The following KCNS3 variants were observed in gnomAD, a reference collection of about 807,000 sequenced individuals.
KCNS3 encodes the protein delayed-rectifier potassium channel regulatory subunit KCNS3.
Under a neutral mutation model 31.0 loss-of-function variants are expected in KCNS3, and 13 were observed. The ratio of observed to expected loss-of-function variants is 0.42; its 90% CI spans 0.27 to 0.67. The LOEUF (loss-of-function observed/expected upper bound fraction) is 0.67. Ranked by LOEUF, KCNS3 falls within the 30% of genes least tolerant of loss-of-function variation. The pLI is 0.25. For synonymous variants in KCNS3, 238 were observed against 241.5 expected (o/e 0.99, Z 0.13); for missense variants, 545 against 622.4 (o/e 0.88, Z 1.32).
intron 1 of KCNS3, among the ~76,000 whole-genome samples, chr2:17,908,411 T>A (rs1292580621): frequency 1.3e-5 from 2 of 152,252 alleles, no homozygotes; most frequent in Admixed American, 1.3e-4. Flanking sequence ...TCGAACTTCC[T>A]CCTTTAGCTC....
At chr2:17,898,598 C>G (rs1183804131) in intron 1 of KCNS3, among the ~76,000 whole-genome samples, 2 of 152,016 alleles carry the variant, frequency 1.3e-5, no homozygotes, top group African/African-American at 4.8e-5. Flanking sequence ...TCCAAAGAAC[C>G]CTAATAGATG....
intron 1 of KCNS3, among the ~76,000 whole-genome samples, chr2:17,891,154 C>A (rs1014920083): frequency 2.0e-5 from 3 of 152,116 alleles, no homozygotes; most frequent in Admixed American, 6.5e-5. Context: ...TGGGGCAAGG[C>A]CTTTTATAAT....
At chr2:17,899,409 CT>C (rs1371158237) in intron 1 of KCNS3, among the ~76,000 whole-genome samples, 5 of 142,898 alleles carry the variant, frequency 3.5e-5, no homozygotes, top group African/African-American at 1.3e-4. Context: ...TTACATCTAT[CT>C]TTTGCTGTCA....
At chr2:17,916,419 A>T (rs1662587219) in intron 1 of KCNS3, among the ~76,000 whole-genome samples, 1 of 152,026 alleles carries the variant, frequency 6.6e-6, no homozygotes, top group Non-Finnish European at 1.5e-5. Flanking sequence ...GGAGTTTAGC[A>T]CCTGAATTGA....
intron 1 of KCNS3, among the ~76,000 whole-genome samples, chr2:17,902,999 A>G (rs921138243): frequency 2.0e-4 from 30 of 152,244 alleles, no homozygotes; most frequent in African/African-American, 7.2e-4. Context: ...AATTAAGGAA[A>G]AACATGTACC....
chr2:17,927,409 T>C lies in KCNS3; in HGVS notation c.-59-3541T>C, dbSNP rs929982288. ...GCTTCCACATTTTGGGGTATCTTTA[T>C]AGCAGTACCCCACTCTCTGTGGTGC... On this transcript the variant is annotated intron_variant, in intron 2 of 2. Transcript: ENST00000304101. 2.0e-5 allele frequency among the ~76,000 whole-genome samples: 3 copies of C among 152,204 alleles called. No homozygotes were observed. In the East Asian group the frequency reaches 5.8e-4, roughly 29 times the overall value.
chr2:17,887,789 C>T (rs1661713786), intron 1 of KCNS3, among the ~76,000 whole-genome samples: 1 of 152,164 alleles, frequency 6.6e-6, no homozygotes, highest in African/African-American at 2.4e-5. Flanking sequence ...ACATTCCCAC[C>T]AGCAGTGTAG....
intron 1 of KCNS3, among the ~76,000 whole-genome samples, chr2:17,906,750 T>C (rs61933339): frequency 0.027 from 4,079 of 152,308 alleles, 141 homozygotes; most frequent in African/African-American, 0.079. Flanking sequence ...TTGTTCAGTT[T>C]CCATGTAGTT....
intron 2 of KCNS3, among the ~76,000 whole-genome samples, chr2:17,919,915 T>G (rs1281600797): frequency 6.6e-6 from 1 of 152,172 alleles, no homozygotes; most frequent in African/African-American, 2.4e-5. Flanking sequence ...AGGAGGTTGG[T>G]AAGGAGGAGA....
intron 2 of KCNS3, 113 bp from the exon 3 acceptor site, chr2:17,930,837 C>G (rs1662942895): frequency 9.9e-6 from 6 of 605,592 alleles, no homozygotes; most frequent in Non-Finnish European, 1.7e-5. Flanking sequence ...ATTTTTATTG[C>G]ATTTCCTGCT....
chr2:17,926,394 T>A (rs1487860885), intron 2 of KCNS3, among the ~76,000 whole-genome samples: 1 of 152,324 alleles, frequency 6.6e-6, no homozygotes, highest in African/African-American at 2.4e-5. Context: ...AGTGCCCCAA[T>A]GGGGACTCTG....
At chr2:17,900,811 G>T (rs1662156477) in intron 1 of KCNS3, among the ~76,000 whole-genome samples, 1 of 152,058 alleles carries the variant, frequency 6.6e-6, no homozygotes, top group Admixed American at 6.5e-5. Flanking sequence ...ATTCTTTATT[G>T]TTCTAGAGTT....
At position 17,931,175 on chromosome 2, in the gene KCNS3, T is replaced by C. The variant is rs773665298; in HGVS notation, c.167T>C (p.Leu56Pro). The change falls in exon 3 of 3, where the codon CTG (leucine) becomes CCG (proline). Residue 56 changes from leucine to proline, a missense_variant. Coordinates refer to ENST00000304101, the MANE Select transcript of KCNS3 (RefSeq NM_002252.5). This position sits in a 1 kb window ranked among gnomAD's most constrained non-coding sequence, Gnocchi z 5.4. Reference protein sequence around the residue: ...TCHSEEAILELCDDYSVADKE... With the variant: ...TCHSEEAILEPCDDYSVADKE... ...CATTCTGAAGAGGCCATTCTGGAGCTGTGTGATGATTACAGTGTGGCCGAT... is the reference window on the plus strand; with the variant it reads ...CATTCTGAAGAGGCCATTCTGGAGCCGTGTGATGATTACAGTGTGGCCGAT... 2 of 1,613,980 alleles carry C rather than the reference T, an allele frequency of 1.2e-6. No homozygotes were observed. The highest frequency in any genetic ancestry group is 1.3e-5 in the African/African-American group (1 of 74,924).
intron 1 of KCNS3, among the ~76,000 whole-genome samples, chr2:17,907,257 T>C (rs1370538956): frequency 2.0e-5 from 3 of 152,228 alleles, no homozygotes; most frequent in Non-Finnish European, 4.4e-5. Flanking sequence ...TTAAAGTCTG[T>C]TTTATCAGAG....
intron 1 of KCNS3, among the ~76,000 whole-genome samples, chr2:17,917,340 G>A (rs1028958029): frequency 3.9e-5 from 6 of 152,190 alleles, no homozygotes; most frequent in Non-Finnish European, 8.8e-5. Flanking sequence ...AATTAGCTGG[G>A]AGAATAACAC....
chr2:17,909,890 C>G (rs1662430678), intron 1 of KCNS3, among the ~76,000 whole-genome samples: 1 of 152,086 alleles, frequency 6.6e-6, no homozygotes, highest in African/African-American at 2.4e-5. Context: ...ATGGTGGGCA[C>G]TTTGACTCTG....
upstream of KCNS3, among the ~76,000 whole-genome samples, chr2:17,878,326 G>A (rs1441840052): frequency 6.6e-6 from 1 of 152,128 alleles, no homozygotes; most frequent in Non-Finnish European, 1.5e-5. Context: ...CGGCCCAGGA[G>A]GGCGCGCAGG....
chr2:17,928,204 T>C (rs1039749639), intron 2 of KCNS3, among the ~76,000 whole-genome samples: 1 of 152,206 alleles, frequency 6.6e-6, no homozygotes, highest in Non-Finnish European at 1.5e-5. Flanking sequence ...AGGTCAATAG[T>C]GGTATTGTTC....
At chr2:17,905,311 G>A (rs1158046544) in intron 1 of KCNS3, among the ~76,000 whole-genome samples, 1 of 152,176 alleles carries the variant, frequency 6.6e-6, no homozygotes, top group African/African-American at 2.4e-5. Context: ...CATTGATTTT[G>A]TATCCTGAGA....
Sources: allele counts gnomAD v4.1 joint callset (sites outside exome capture counted in the v4.1 genomes callset), GRCh38; gene constraint gnomAD v4.1.1; non-coding constraint Gnocchi (gnomAD v3.1); transcripts MANE v1.5; gene names NCBI Gene and HGNC (gene_info 2026-07-23, HGNC 2026-07-21).